Variants in ZFP3 observed in about 807,000 individuals in gnomAD.
ZFP3 encodes zinc finger protein 3 homolog.
Under a neutral mutation model 36.7 loss-of-function variants are expected in ZFP3, and 18 were observed. That is an observed-to-expected ratio of 0.49 (90% CI 0.34 to 0.73). The LOEUF (loss-of-function observed/expected upper bound fraction) is 0.73. Ranked by LOEUF, ZFP3 falls within the 30% of genes least tolerant of loss-of-function variation. ZFP3 has a pLI of 0.01. For missense variants in ZFP3, 495 were observed against 599.0 expected (o/e 0.83, Z 1.81); for synonymous variants, 218 against 199.0 (o/e 1.10, Z -0.81).
intron 1 of ZFP3, among the ~76,000 whole-genome samples, chr17:5,084,216 G>C (rs935588543): frequency 2.3e-5 from 3 of 131,980 alleles, no homozygotes; most frequent in Non-Finnish European, 4.8e-5. Flanking sequence ...TTTATTTCTT[G>C]TTGTTAATTA....
intron 1 of ZFP3, among the ~76,000 whole-genome samples, chr17:5,086,250 G>T (rs1412173658): frequency 6.6e-6 from 1 of 152,126 alleles, no homozygotes; most frequent in Non-Finnish European, 1.5e-5. Flanking sequence ...GTCTGGGGAG[G>T]GGGGCATTAC....
In ZFP3 at chr17:5,092,626, CA is replaced by C. The variant is rs2072156454; in HGVS notation, c.1123del (p.Arg375GlyfsTer172). ...TATGTAAGGAATGTGGGAAGGCCTT[CA>C]GGGGGAACTCAGAACTTCTTAGACA... is the stretch of plus-strand genomic sequence containing the variant. ...YVCKECGKAF[R>X]GNSELLRHER... On this transcript the variant is annotated frameshift_variant, in exon 2 of 2. Coordinates refer to ENST00000318833, the MANE Select transcript of ZFP3 (RefSeq NM_153018.3). LOFTEE classifies it high-confidence loss of function. The surrounding 1 kb of genome is among the most constrained non-coding windows in gnomAD (Gnocchi z 5.0). The C allele has an allele frequency of 3.1e-6, 5 of 1,614,020 alleles. No individual in the cohort carries two copies. Among genetic ancestry groups the C allele is most frequent in the Non-Finnish European group, 4.2e-6 (5 of 1,179,984 alleles).
At chr17:5,091,094 T>TA (rs918052151) in intron 1 of ZFP3, among the ~76,000 whole-genome samples, 8 of 152,202 alleles carry the variant, frequency 5.3e-5, no homozygotes, top group Non-Finnish European at 8.8e-5. Context: ...ATTTTTTTTT[T>TA]ATCAGCATCT....
In ZFP3 at chr17:5,092,958, CTT is replaced by C. The variant is rs769856946; in HGVS notation, c.1457_1458del (p.Phe486Ter). ...TATGAGTGCCAAGAATGTCAGAAGA[CTT>C]TTAGTCGGAGCTCTCACCTCCTCCG... On this transcript the variant is annotated frameshift_variant, in exon 2 of 2. Coordinates refer to ENST00000318833, the MANE Select transcript of ZFP3 (RefSeq NM_153018.3). LOFTEE classifies it high-confidence loss of function. The surrounding 1 kb of genome is among the most constrained non-coding windows in gnomAD (Gnocchi z 5.0). 8.7e-6 allele frequency: 14 copies of C among 1,612,688 alleles called. No homozygotes were observed. The highest frequency in any genetic ancestry group is 1.6e-4 in the Middle Eastern group (1 of 6,078).
At chr17:5,084,582 G>A (rs56837170) in intron 1 of ZFP3, among the ~76,000 whole-genome samples, 3 of 152,236 alleles carry the variant, frequency 2.0e-5, no homozygotes, top group East Asian at 3.9e-4. Flanking sequence ...GCCTGAATGA[G>A]GCTTTTTGAG....
intron 1 of ZFP3, among the ~76,000 whole-genome samples, chr17:5,086,072 A>G (rs560922319): frequency 6.6e-6 from 1 of 152,268 alleles, no homozygotes; most frequent in African/African-American, 2.4e-5. Context: ...AAAGATTTCA[A>G]CAAAAAGGAG....
chr17:5,088,987 T>C (rs12951061), intron 1 of ZFP3, among the ~76,000 whole-genome samples: 4,812 of 152,308 alleles, frequency 0.032, 119 homozygotes, highest in Non-Finnish European at 0.048. Context: ...ACAAATAGAC[T>C]GCCCTAAGCA....
chr17:5,081,845 C>T (rs538845061), intron 1 of ZFP3, among the ~76,000 whole-genome samples: 19 of 150,620 alleles, frequency 1.3e-4, no homozygotes, highest in Non-Finnish European at 1.8e-4. Context: ...TCGTGATCCA[C>T]CCGCCTCAGC....
intron 1 of ZFP3, among the ~76,000 whole-genome samples, chr17:5,082,695 A>AT (rs1202626879): frequency 1.3e-5 from 2 of 151,984 alleles, no homozygotes; most frequent in Admixed American, 1.3e-4. Flanking sequence ...TGGCTGGCTA[A>AT]TTTTTTTGTA....
chr17:5,082,479 T>G (rs1832042718), intron 1 of ZFP3, among the ~76,000 whole-genome samples: 1 of 152,042 alleles, frequency 6.6e-6, no homozygotes, highest in Non-Finnish European at 1.5e-5. Flanking sequence ...AAGAAGTGAG[T>G]TTTTTGGACG....
At chr17:5,082,969 G>A (rs1283961467) in intron 1 of ZFP3, among the ~76,000 whole-genome samples, 3 of 152,184 alleles carry the variant, frequency 2.0e-5, no homozygotes, top group Non-Finnish European at 4.4e-5. Flanking sequence ...AATGCAGGTT[G>A]ATGCAGTTTG....
At chr17:5,086,821 G>A (rs2072123977) in intron 1 of ZFP3, among the ~76,000 whole-genome samples, 3 of 147,386 alleles carry the variant, frequency 2.0e-5, no homozygotes, top group African/African-American at 7.5e-5. Context: ...TCCGCCTCCC[G>A]GGTTCAGGCC....
intron 1 of ZFP3, among the ~76,000 whole-genome samples, chr17:5,089,696 C>T (rs1480047663): frequency 7.1e-6 from 1 of 141,038 alleles, no homozygotes; most frequent in Non-Finnish European, 1.6e-5. Context: ...TGCTCTATTA[C>T]CCAGGCTGGA....
chr17:5,091,910 G>C lies in ZFP3; in HGVS notation c.406G>C (p.Val136Leu). Reference protein sequence around the residue: ...LESNKTQRSSVGEKPHTCKEC... With the variant: ...LESNKTQRSSLGEKPHTCKEC... ...ATCTAACAAAACACAGAGAAGTTCT[G>C]TGGGAGAAAAGCCTCATACATGTAA... Residue 136 changes from valine to leucine, a missense_variant, in exon 2 of 2, where the codon GTG (valine) becomes CTG (leucine). Val to Leu is a conservative substitution (Grantham distance 32). Transcript: ENST00000318833. The C allele has an allele frequency of 6.2e-7, 1 of 1,614,214 alleles. No individual in the cohort carries two copies. The highest frequency in any genetic ancestry group is 2.2e-5 in the East Asian group (1 of 44,882).
At chr17:5,080,466 G>A (rs1485674390) in intron 1 of ZFP3, among the ~76,000 whole-genome samples, 2 of 152,086 alleles carry the variant, frequency 1.3e-5, no homozygotes, top group Admixed American at 6.6e-5. Context: ...CACATACCCC[G>A]TAAAATAATT....
At position 5,093,818 on chromosome 17, in the gene ZFP3, G is replaced by A. The variant is rs894710957; in HGVS notation, c.*805G>A. On this transcript the variant is annotated 3_prime_UTR_variant, in exon 2 of 2. Transcript: ENST00000318833. Reference sequence around the variant, plus strand: ...AATTTACAACGGGATTATAAGTGAAGGCCTTAGAATCCAGAGGGGCCGATT... The same window carrying A: ...AATTTACAACGGGATTATAAGTGAAAGCCTTAGAATCCAGAGGGGCCGATT... 4 of 167,030 alleles carry A rather than the reference G, an allele frequency of 2.4e-5. No homozygotes were observed. The highest frequency in any genetic ancestry group is 9.7e-5 in the African/African-American group (4 of 41,436). 10.3% of individuals were successfully genotyped at this position (167,030 alleles called of 1,614,324 possible). A position where few individuals can be genotyped will look rare whatever the true frequency, so the allele number is the denominator to read the frequency against.
In ZFP3 at chr17:5,091,475, ATACT is replaced by A; in HGVS notation, c.-8-18_-8-15del. 1.2e-6 allele frequency: 2 copies of A among 1,605,768 alleles called. No homozygotes were observed. The highest frequency in any genetic ancestry group is 2.2e-5 in the East Asian group (1 of 44,836). On this transcript the variant is annotated intron_variant, in intron 1 of 1. Coordinates refer to ENST00000318833, the MANE Select transcript of ZFP3 (RefSeq NM_153018.3). ...TTTAAATATGATACGGTCCCTTCAC[ATACT>A]TACCTCTCTCATTTCAGATTGTGAG...
At position 5,095,111 on chromosome 17, in the gene ZFP3, CAAATTT is replaced by C. The variant is rs1349133063; in HGVS notation, c.*2103_*2108del. On this transcript the variant is annotated 3_prime_UTR_variant, in exon 2 of 2. Coordinates refer to ENST00000318833, the MANE Select transcript of ZFP3 (RefSeq NM_153018.3). ...GATTTCTATGTAGATTTGAATATAA[CAAATTT>C]AAATCATGTCCTTGGTAACAGAACT... 1 of 167,042 alleles carries C rather than the reference CAAATTT, an allele frequency of 6.0e-6. No homozygotes were observed. Among genetic ancestry groups the C allele is most frequent in the East Asian group, 1.9e-4 (1 of 5,208 alleles). 10.3% of individuals were successfully genotyped at this position (167,042 alleles called of 1,614,324 possible). A position where few individuals can be genotyped will look rare whatever the true frequency, so the allele number is the denominator to read the frequency against.
In ZFP3 at chr17:5,093,995, T is replaced by G. The variant is rs2072165701; in HGVS notation, c.*982T>G. The G allele has an allele frequency of 6.0e-6, 1 of 167,236 alleles. No individual in the cohort carries two copies. The highest frequency in any genetic ancestry group is 2.4e-5 in the African/African-American group (1 of 41,478). The allele number at this position is 167,236 out of a possible 1,614,324, so 10.4% of individuals were successfully genotyped here. A position where few individuals can be genotyped will look rare whatever the true frequency, so the allele number is the denominator to read the frequency against. On this transcript the variant is annotated 3_prime_UTR_variant, in exon 2 of 2. Coordinates refer to ENST00000318833, the MANE Select transcript of ZFP3 (RefSeq NM_153018.3). ...TTTTAGCCCCATCTCCTGCCACTGC[T>G]GACAGATATTGTGACAGTAAGTAGC...
Sources: allele counts gnomAD v4.1 joint callset (sites outside exome capture counted in the v4.1 genomes callset), GRCh38; gene constraint gnomAD v4.1.1; non-coding constraint Gnocchi (gnomAD v3.1); transcripts MANE v1.5; gene names NCBI Gene and HGNC (gene_info 2026-07-23, HGNC 2026-07-21).